The following TBL3 variants were observed in gnomAD, a reference collection of about 807,000 sequenced individuals.
The protein encoded by TBL3 is transducin beta-like protein 3.
Under a neutral mutation model 102.7 loss-of-function variants are expected in TBL3, and 71 were observed. The observed-to-expected ratio is 0.69, with a 90% confidence interval of 0.57 to 0.84. The LOEUF (loss-of-function observed/expected upper bound fraction) is 0.84, where lower values mean the gene tolerates loss of function less well. Ranked by LOEUF, TBL3 falls within the 40% of genes least tolerant of loss-of-function variation. The probability of loss-of-function intolerance (pLI) is 0.00; values close to 1 mark genes in which losing one functional copy is unlikely to be tolerated. For synonymous variants in TBL3, 578 were observed against 477.7 expected (o/e 1.21, Z -2.74); for missense variants, 1,188 against 1,098.5 (o/e 1.08, Z -1.15).
At chr16:1,972,321 G>A (rs2083366621) in intron 1 of TBL3, 116 bp downstream of exon 1, 2 of 1,128,330 alleles carry the variant, frequency 1.8e-6, no homozygotes, top group African/African-American at 3.3e-5. Context: ...GGCTGTGTGT[G>A]CGCCGGCCCG....
chr16:1,978,943 G>A lies in TBL3; in HGVS notation c.*258G>A. The A allele has an allele frequency of 1.7e-6, 2 of 1,199,746 alleles. No individual in the cohort carries two copies. Among genetic ancestry groups the A allele is most frequent in the Non-Finnish European group, 2.3e-6 (2 of 866,928 alleles). The allele number at this position is 1,199,746 out of a possible 1,614,324, so 74.3% of individuals were successfully genotyped here. Reference sequence around the variant, plus strand: ...CATGCAGAACAAGCTTTACTCAGAGGAACAGCAAATGGCCCCCTCCCATCC... The same window carrying A: ...CATGCAGAACAAGCTTTACTCAGAGAAACAGCAAATGGCCCCCTCCCATCC... On this transcript the variant is annotated 3_prime_UTR_variant, in exon 22 of 22. Coordinates refer to ENST00000568546, the MANE Select transcript of TBL3 (RefSeq NM_006453.3).
At chr16:1,972,310 A>T (rs1310430928) in intron 1 of TBL3, 105 bp downstream of exon 1, 4 of 1,191,682 alleles carry the variant, frequency 3.4e-6, no homozygotes, top group Non-Finnish European at 4.3e-6. Flanking sequence ...TGGAGGCGAG[A>T]GGCTGTGTGT....
Position 1,974,637 on chromosome 16 carries a change from G to A in TBL3, c.337G>A (p.Ala113Thr), listed in dbSNP as rs2083385225. ...LWKAIHTAPV[A>T]TMAFDPTSTL... ...GAAGGCGATACACACGGCCCCCGTGGCCACCATGGCCTTCGACCCCACCTC... is the reference window on the plus strand; with the variant it reads ...GAAGGCGATACACACGGCCCCCGTGACCACCATGGCCTTCGACCCCACCTC... Residue 113 changes from alanine to threonine, a missense_variant, in exon 5 of 22, where the codon GCC becomes ACC. Coordinates refer to ENST00000568546, the MANE Select transcript of TBL3 (RefSeq NM_006453.3). 1.9e-6 allele frequency: 3 copies of A among 1,609,522 alleles called. No homozygotes were observed. Among genetic ancestry groups the A allele is most frequent in the Non-Finnish European group, 2.5e-6 (3 of 1,177,190 alleles).
rs759145419 is a variant in TBL3, at chr16:1,979,837, G to T, written c.*1152G>T. 155 of 1,575,664 alleles carry T rather than the reference G, an allele frequency of 9.8e-5. No individual in the cohort carries two copies. The highest frequency in any genetic ancestry group is 1.3e-4 in the Non-Finnish European group (149 of 1,162,354). On this transcript the variant is annotated 3_prime_UTR_variant, in exon 22 of 22. Coordinates refer to ENST00000568546, the MANE Select transcript of TBL3 (RefSeq NM_006453.3). ...TCCCTCCCGGCCTTGGCCCGGGGCC[G>T]CCTCCTCCAGGTAGGGCGCTGGAAA...
Position 1,978,628 on chromosome 16 carries a change from C to T in TBL3, c.2370C>T (p.Leu790=). 1.2e-6 allele frequency: 2 copies of T among 1,612,720 alleles called. No individual in the cohort carries two copies. The highest frequency in any genetic ancestry group is 1.7e-6 in the Non-Finnish European group (2 of 1,179,840). Residue 790 remains leucine (L), a synonymous_variant, in exon 22 of 22, where the codon CTC becomes CTT. Transcript: ENST00000568546. ...ACTTCCTGTGGCACAACATGAAGCTCCCTGTGCCGGCCGCCGCCCCCACCC... is the reference window on the plus strand; with the variant it reads ...ACTTCCTGTGGCACAACATGAAGCTTCCTGTGCCGGCCGCCGCCCCCACCC... The part of the protein sequence containing the change: ...FLDFLWHNMK[L]PVPAAAPTPW...
chr16:1,974,470 C>A lies in TBL3; in HGVS notation c.237+47C>A, dbSNP rs775352966. 3.2e-5 allele frequency: 51 copies of A among 1,589,540 alleles called. No homozygotes were observed. In the East Asian group the frequency reaches 1.1e-3, roughly 34 times the overall value. On this transcript the variant is annotated intron_variant, in intron 4 of 21. Coordinates refer to ENST00000568546, the MANE Select transcript of TBL3 (RefSeq NM_006453.3). ...GGGGACCCGCTCCAGCGCCTCCCTC[C>A]CAGACTGAGTCCAGGAAGATGTGAG...
In TBL3 at chr16:1,978,012, C is replaced by T. The variant is rs756805463; in HGVS notation, c.2013C>T (p.Gly671=). 1.2e-6 allele frequency: 2 copies of T among 1,607,712 alleles called. No homozygotes were observed. The highest frequency in any genetic ancestry group is 1.7e-6 in the Non-Finnish European group (2 of 1,176,972). ...AGAAGCGGTACCTGCGGGCGCTGGGCCTGGCCATCTCCCTGGATCGGCCCC... is the reference window on the plus strand; with the variant it reads ...AGAAGCGGTACCTGCGGGCGCTGGGTCTGGCCATCTCCCTGGATCGGCCCC... ...LHEKRYLRAL[G]LAISLDRPHT... Residue 671 remains glycine (G), a synonymous_variant, in exon 19 of 22, where the codon GGC becomes GGT. Coordinates refer to ENST00000568546, the MANE Select transcript of TBL3 (RefSeq NM_006453.3).
intron 1 of TBL3, 124 bp downstream of exon 1, chr16:1,972,329 C>A: frequency 1.8e-6 from 2 of 1,097,510 alleles, no homozygotes; most frequent in Non-Finnish European, 2.4e-6. Context: ...GTGCGCCGGC[C>A]CGCGGGGTCG....
At position 1,980,838 on chromosome 16, in the gene TBL3, A is replaced by T. The variant is rs2083493607; in HGVS notation, c.*2153A>T. On this transcript the variant is annotated 3_prime_UTR_variant, in exon 22 of 22. Transcript: ENST00000568546. ...GGGGCTGGGAGCTTCAGCAGGGACGAAGGGCCTCCAGTGGGAGTCACTGAT... is the reference window on the plus strand; with the variant it reads ...GGGGCTGGGAGCTTCAGCAGGGACGTAGGGCCTCCAGTGGGAGTCACTGAT... The T allele has an allele frequency of 6.8e-7, 1 of 1,465,708 alleles. No individual in the cohort carries two copies. Among genetic ancestry groups the T allele is most frequent in the Admixed American group, 1.9e-5 (1 of 53,072 alleles). 90.8% of individuals were successfully genotyped at this position (1,465,708 alleles called of 1,614,324 possible). A position where few individuals can be genotyped will look rare whatever the true frequency, so the allele number is the denominator to read the frequency against.
chr16:1,974,905 C>T (rs369597847), intron 6 of TBL3, 23 bp from the exon 7 acceptor site: 23 of 1,612,148 alleles, frequency 1.4e-5, no homozygotes, highest in Non-Finnish European at 1.6e-5. Context: ...ACAGCTCACC[C>T]ATCCTGTCCC....
rs780916619 is a variant in TBL3, at chr16:1,974,394, A to G, written c.208A>G (p.Thr70Ala). The G allele has an allele frequency of 6.2e-7, 1 of 1,610,674 alleles. No homozygotes were observed. Among genetic ancestry groups the G allele is most frequent in the Non-Finnish European group, 8.5e-7 (1 of 1,178,262 alleles). ...CTCCTAGGAGGACCAGGAGGACATC[A>G]CTGCCTTTGACCTCAGCCCTGACAA... is the stretch of plus-strand genomic sequence containing the variant. ...SLEQEDQEDITAFDLSPDNEV... is the reference protein window; with the variant it reads ...SLEQEDQEDIAAFDLSPDNEV... Residue 70 changes from threonine to alanine, a missense_variant, in exon 4 of 22, where the codon ACT becomes GCT. Physicochemically the swap from Thr to Ala is moderately conservative, Grantham distance 58. Coordinates refer to ENST00000568546, the MANE Select transcript of TBL3 (RefSeq NM_006453.3).
Position 1,976,284 on chromosome 16 carries a change from C to CA in TBL3, c.1263dup (p.His422ThrfsTer10). ...TGCGTGGCTCAGGGTTCCGGTCACA[C>CA]ACACAGTGTGGGCACCGTCTGCTGC... On this transcript the variant is annotated frameshift_variant, in exon 13 of 22. Transcript: ENST00000568546. LOFTEE classifies it high-confidence loss of function. The CA allele has an allele frequency of 6.2e-7, 1 of 1,613,972 alleles. No individual in the cohort carries two copies. Among genetic ancestry groups the CA allele is most frequent in the Non-Finnish European group, 8.5e-7 (1 of 1,179,976 alleles).
rs748632047 is a variant in TBL3, at chr16:1,979,442, G to A, written c.*757G>A. The A allele has an allele frequency of 1.1e-5, 17 of 1,610,124 alleles. No homozygotes were observed. Among genetic ancestry groups the A allele is most frequent in the African/African-American group, 1.3e-5 (1 of 74,876 alleles). On this transcript the variant is annotated 3_prime_UTR_variant, in exon 22 of 22. Transcript: ENST00000568546. ...CCGCGTACCTGCATAGCCACCAGCC[G>A]CGGTCTGACGTTTCCAACACGCGCA... is the stretch of plus-strand genomic sequence containing the variant.
At position 1,978,511 on chromosome 16, in the gene TBL3, C is replaced by T. The variant is rs754601678; in HGVS notation, c.2293+40C>T. 22 of 1,588,320 alleles carry T rather than the reference C, an allele frequency of 1.4e-5. No individual in the cohort carries two copies. Among genetic ancestry groups the T allele is most frequent in the African/African-American group, 2.7e-5 (2 of 74,490 alleles). ...CCTGGGGTTGGGGGATCCTGGTGGG[C>T]GTGTGGACCACCCCCCTGACCTCCC... On this transcript the variant is annotated intron_variant, in intron 21 of 21. Transcript: ENST00000568546.
At position 1,975,884 on chromosome 16, in the gene TBL3, A is replaced by G. The variant is rs1321026088; in HGVS notation, c.1064A>G (p.Asn355Ser). The change falls in exon 11 of 22, where the codon AAT becomes AGT. Residue 355 changes from asparagine (N) to serine (S), a missense_variant. Coordinates refer to ENST00000568546, the MANE Select transcript of TBL3 (RefSeq NM_006453.3). ...PEDSHVVVASNSPCLKVFELQ... is the reference protein window; with the variant it reads ...PEDSHVVVASSSPCLKVFELQ... ...GACTCCCACGTTGTCGTGGCCTCCA[A>G]TAGCCCCTGCCTAAAAGTGTTTGAG... The G allele has an allele frequency of 1.4e-5, 22 of 1,613,992 alleles. No homozygotes were observed. The highest frequency in any genetic ancestry group is 2.7e-5 in the African/African-American group (2 of 74,938).
Position 1,979,935 on chromosome 16 carries a change from C to T in TBL3, c.*1250C>T. Reference sequence around the variant, plus strand: ...GCAAGAAGCGGGCAGGGACTCAAATCTCGAGGCTCCCTCGGGTCCAGGAGC... The same window carrying T: ...GCAAGAAGCGGGCAGGGACTCAAATTTCGAGGCTCCCTCGGGTCCAGGAGC... On this transcript the variant is annotated 3_prime_UTR_variant, in exon 22 of 22. Coordinates refer to ENST00000568546, the MANE Select transcript of TBL3 (RefSeq NM_006453.3). 1 of 1,575,968 alleles carries T rather than the reference C, an allele frequency of 6.3e-7. No individual in the cohort carries two copies. The highest frequency in any genetic ancestry group is 1.8e-5 in the Admixed American group (1 of 54,526).
In TBL3 at chr16:1,977,134, C is replaced by A; in HGVS notation, c.1521C>A (p.Ala507=). Residue 507 remains alanine (A), a synonymous_variant, in exon 15 of 22, where the codon GCC becomes GCA. Transcript: ENST00000568546. ...GSQDRTAKLW[A]LPQCQLLGVF... is the part of the protein sequence containing the mutation. ...AGGACCGCACGGCCAAGCTCTGGGC[C>A]CTGCCACAGTGCCAGCTGCTGGGTG... The A allele has an allele frequency of 6.2e-7, 1 of 1,613,068 alleles. No homozygotes were observed. Among genetic ancestry groups the A allele is most frequent in the Non-Finnish European group, 8.5e-7 (1 of 1,179,998 alleles).
rs1451324618 is a variant in TBL3, at chr16:1,979,902, G to A, written c.*1217G>A. On this transcript the variant is annotated 3_prime_UTR_variant, in exon 22 of 22. Transcript: ENST00000568546. ...GGTCTTCGTTCTCCACCAGCCACCAGCCTGTGCGCAAGAAGCGGGCAGGGA... is the reference window on the plus strand; with the variant it reads ...GGTCTTCGTTCTCCACCAGCCACCAACCTGTGCGCAAGAAGCGGGCAGGGA... 6.3e-7 allele frequency: 1 copy of A among 1,582,778 alleles called. No individual in the cohort carries two copies. Among genetic ancestry groups the A allele is most frequent in the East Asian group, 2.3e-5 (1 of 43,060 alleles).
rs1201045296 is a variant in TBL3, at chr16:1,980,586, G to T, written c.*1901G>T. ...AACGTACTGTGATACGCCGCTTTGG[G>T]CTTCACTGGTCCCTGGCGCCCCCAG... On this transcript the variant is annotated 3_prime_UTR_variant, in exon 22 of 22. Coordinates refer to ENST00000568546, the MANE Select transcript of TBL3 (RefSeq NM_006453.3). 1.9e-6 allele frequency: 3 copies of T among 1,594,452 alleles called. No homozygotes were observed. Among genetic ancestry groups the T allele is most frequent in the Non-Finnish European group, 1.7e-6 (2 of 1,169,252 alleles).
Sources: allele counts gnomAD v4.1 joint callset, GRCh38; gene constraint gnomAD v4.1.1; transcripts MANE v1.5; gene names NCBI Gene and HGNC (gene_info 2026-07-23, HGNC 2026-07-21).